The following CLVS2 variants were observed in gnomAD, a reference collection of about 807,000 sequenced individuals.
CLVS2 encodes clavesin 2, also known as clavesin-2.
A neutral mutation model predicts 29.0 loss-of-function variants in CLVS2; 19 were observed. That is an observed-to-expected ratio of 0.66 (90% confidence interval 0.46 to 0.96). The LOEUF (loss-of-function observed/expected upper bound fraction) is 0.96. CLVS2 is among the 40% of genes least tolerant of loss of function. CLVS2 has a pLI of 0.00. For synonymous variants in CLVS2, 161 were observed against 151.3 expected (o/e 1.06, Z -0.47); for missense variants, 294 against 404.1 (o/e 0.73, Z 2.34).
intron 4 of CLVS2, among the ~76,000 whole-genome samples, chr6:123,049,910 C>T (rs1283650498): frequency 5.3e-5 from 8 of 151,958 alleles, no homozygotes; most frequent in Admixed American, 2.6e-4. Flanking sequence ...AACAAACCTG[C>T]ACGTTGTGCA....
rs1772938227 is a variant in CLVS2, at chr6:123,070,900, C to T, written c.*7139C>T. The stretch of plus-strand genomic sequence containing the variant: ...TCCCTTTGCCTCTAATTTCAGATAT[C>T]CACGTGGTTTATTCCCTCATCTTCT... On this transcript the variant is annotated 3_prime_UTR_variant, in exon 6 of 6. Transcript: ENST00000275162. The T allele has an allele frequency of 6.6e-6, 1 of 151,902 alleles. No individual in the cohort carries two copies. The highest frequency in any genetic ancestry group is 2.4e-5 in the African/African-American group (1 of 41,402). The allele number at this position is 151,902 out of a possible 1,614,324, so 9.4% of individuals were successfully genotyped here. A position where few individuals can be genotyped will look rare whatever the true frequency, so the allele number is the denominator to read the frequency against.
chr6:123,036,262 T>C lies in CLVS2; in HGVS notation c.565-12360T>C, dbSNP rs1775152555. Among the ~76,000 whole-genome samples the C allele has an allele frequency of 2.0e-5, 3 of 152,298 alleles. No individual in the cohort carries two copies. In the South Asian group the frequency reaches 6.2e-4, roughly 32 times the overall value. On this transcript the variant is annotated intron_variant, in intron 3 of 5. Transcript: ENST00000275162. Reference sequence around the variant, plus strand: ...AATGTAAAATAAAACTTCTAGAGAATAGCTTTGGGTGATTATTACTTTCCA... The same window carrying C: ...AATGTAAAATAAAACTTCTAGAGAACAGCTTTGGGTGATTATTACTTTCCA...
At chr6:123,054,948 A>C (rs937432643) in intron 4 of CLVS2, among the ~76,000 whole-genome samples, 8 of 152,082 alleles carry the variant, frequency 5.3e-5, no homozygotes, top group Non-Finnish European at 8.8e-5. Context: ...ATATATAAGG[A>C]CTGGGAATTG....
intron 5 of CLVS2, among the ~76,000 whole-genome samples, chr6:123,063,076 A>G (rs781200632): frequency 2.0e-5 from 3 of 152,220 alleles, no homozygotes; most frequent in African/African-American, 7.2e-5. Context: ...TTAAAAATCT[A>G]TAACTGTTCC....
At chr6:123,034,077 A>G (rs1409647575) in intron 3 of CLVS2, among the ~76,000 whole-genome samples, 1 of 152,158 alleles carries the variant, frequency 6.6e-6, no homozygotes. Flanking sequence ...GCTAGCAAAG[A>G]TGAGGAGGAA....
At chr6:123,051,369 C>G (rs1299517092) in intron 4 of CLVS2, among the ~76,000 whole-genome samples, 1 of 152,174 alleles carries the variant, frequency 6.6e-6, no homozygotes, top group Non-Finnish European at 1.5e-5. Flanking sequence ...GAGTCTTTCA[C>G]GCAGAGCCAA....
intron 1 of CLVS2, 144 bp from the exon 2 acceptor site, chr6:122,997,075 A>G (rs1343846633): frequency 2.6e-5 from 4 of 152,670 alleles, no homozygotes. Context: ...CTATCTGCAG[A>G]GTCTTCACCT....
intron 3 of CLVS2, among the ~76,000 whole-genome samples, chr6:123,028,785 C>G (rs1173146557): frequency 6.6e-6 from 1 of 152,086 alleles, no homozygotes; most frequent in Non-Finnish European, 1.5e-5. Flanking sequence ...TGACCTGTTT[C>G]TCTATCCCTT....
At chr6:123,023,623 C>T (rs909510547) in intron 3 of CLVS2, among the ~76,000 whole-genome samples, 2 of 152,034 alleles carry the variant, frequency 1.3e-5, no homozygotes, top group Non-Finnish European at 2.9e-5. Flanking sequence ...TTTTTCTCAT[C>T]CAAGAAAGCA....
At chr6:123,046,177 G>A (rs1253475525) in intron 3 of CLVS2, among the ~76,000 whole-genome samples, 1 of 152,190 alleles carries the variant, frequency 6.6e-6, no homozygotes, top group African/African-American at 2.4e-5. Context: ...TGATTGCAAA[G>A]TCAGAGATTT....
At chr6:123,017,071 T>C (rs1334566621) in intron 3 of CLVS2, among the ~76,000 whole-genome samples, 1 of 139,032 alleles carries the variant, frequency 7.2e-6, no homozygotes, top group Non-Finnish European at 1.5e-5. Context: ...CTAACAGCTT[T>C]GAAATTGCAT....
chr6:123,021,303 T>C (rs1292155392), intron 3 of CLVS2, among the ~76,000 whole-genome samples: 1 of 152,102 alleles, frequency 6.6e-6, no homozygotes, highest in African/African-American at 2.4e-5. Context: ...TTCTTATTAC[T>C]TTGTAGGTAG....
At chr6:123,033,661 T>G (rs1582655440) in intron 3 of CLVS2, among the ~76,000 whole-genome samples, 1 of 151,384 alleles carries the variant, frequency 6.6e-6, no homozygotes, top group African/African-American at 2.4e-5. Flanking sequence ...GGGCAAAGAG[T>G]TCTTAGACTT....
At chr6:123,047,070 A>G (rs942647888) in intron 3 of CLVS2, among the ~76,000 whole-genome samples, 8 of 152,150 alleles carry the variant, frequency 5.3e-5, no homozygotes, top group African/African-American at 1.9e-4. Flanking sequence ...GCGAGACCTC[A>G]TTCCTATAGG....
chr6:123,063,727 A>G lies in CLVS2; in HGVS notation c.950A>G (p.Glu317Gly). Residue 317 changes from glutamate to glycine, a missense_variant, in exon 6 of 6, where the codon GAA becomes GGA. Coordinates refer to ENST00000275162, the MANE Select transcript of CLVS2 (RefSeq NM_001010852.4). ...CTAAAACGCATGGATAAAAATGAGG[A>G]AGAAAACATGCAACCATTGCTTTCT... ...TVLKRMDKNE[E>G]ENMQPLLSLD The G allele has an allele frequency of 6.2e-7, 1 of 1,611,890 alleles. No homozygotes were observed. The highest frequency in any genetic ancestry group is 1.1e-5 in the South Asian group (1 of 90,968).
At chr6:123,015,546 T>C (rs1774819640) in intron 3 of CLVS2, among the ~76,000 whole-genome samples, 1 of 152,066 alleles carries the variant, frequency 6.6e-6, no homozygotes, top group African/African-American at 2.4e-5. Context: ...ATGAATCTTG[T>C]TTCTATTGTT....
At chr6:123,058,794 A>G (rs930236095) in intron 5 of CLVS2, among the ~76,000 whole-genome samples, 7 of 151,968 alleles carry the variant, frequency 4.6e-5, no homozygotes, top group Non-Finnish European at 7.4e-5. Flanking sequence ...TGGGACTACA[A>G]GTGCCTGTCA....
chr6:123,023,539 A>G (rs1478354686), intron 3 of CLVS2, among the ~76,000 whole-genome samples: 1 of 152,154 alleles, frequency 6.6e-6, no homozygotes, highest in Non-Finnish European at 1.5e-5. Flanking sequence ...CTTAAGTTAT[A>G]TACAATAATA....
Position 123,065,329 on chromosome 6 carries a change from A to G in CLVS2, c.*1568A>G, listed in dbSNP as rs920116571. ...ATATCTCAGAAACTCTTGGAAACCA[A>G]CAAAAATAAAGGCATGTGTCAGCCT... On this transcript the variant is annotated 3_prime_UTR_variant, in exon 6 of 6. Coordinates refer to ENST00000275162, the MANE Select transcript of CLVS2 (RefSeq NM_001010852.4). 3 of 151,890 alleles carry G rather than the reference A, an allele frequency of 2.0e-5. No homozygotes were observed. In the South Asian group the frequency reaches 6.2e-4, roughly 31 times the overall value. 9.4% of individuals were successfully genotyped at this position (151,890 alleles called of 1,614,324 possible). A position where few individuals can be genotyped will look rare whatever the true frequency, so the allele number is the denominator to read the frequency against.
Sources: gnomAD v4.1 joint callset for allele counts (sites outside exome capture counted in the v4.1 genomes callset) on GRCh38, gnomAD v4.1.1 for gene constraint, MANE v1.5 for transcripts, NCBI Gene and HGNC (gene_info 2026-07-23, HGNC 2026-07-21) for gene names.